SDK1: variants seen among roughly 807,000 people sequenced by gnomAD.
The protein encoded by SDK1 is protein sidekick-1.
SDK1 carries 157 observed loss-of-function variants against 245.5 expected under a neutral mutation model. The ratio of observed to expected loss-of-function variants is 0.64; its 90% confidence interval spans 0.56 to 0.73. The LOEUF is 0.73. Ranked by LOEUF, SDK1 falls within the 30% of genes least tolerant of loss-of-function variation. The probability of loss-of-function intolerance (pLI) is 0.00; values close to 1 mark genes in which losing one functional copy is unlikely to be tolerated. For missense variants in SDK1, 3,583 were observed against 3,002.3 expected, an observed-to-expected ratio of 1.19 and a Z score of -4.52; for synonymous variants, 1,647 against 1,278.5, an observed-to-expected ratio of 1.29 and a Z score of -6.15.
intron 5 of SDK1, among the ~76,000 whole-genome samples, chr7:3,898,068 A>G (rs151085004): frequency 6.6e-6 from 1 of 152,208 alleles, no homozygotes; most frequent in East Asian, 1.9e-4. Context: ...CTACGGTATT[A>G]GCATGAAGCA....
At chr7:4,245,341 C>T (rs764115236) in intron 43 of SDK1, among the ~76,000 whole-genome samples, 2 of 152,164 alleles carry the variant, frequency 1.3e-5, no homozygotes, top group African/African-American at 2.4e-5. Flanking sequence ...CTGCATCTGG[C>T]AAGCACCTAA....
chr7:4,010,279 T>A (rs559642817), intron 14 of SDK1, among the ~76,000 whole-genome samples: 25 of 152,350 alleles, frequency 1.6e-4, no homozygotes, highest in African/African-American at 5.5e-4. Flanking sequence ...GTTTAAACTC[T>A]GCAAAAAATC....
At chr7:4,090,548 G>A (rs746946601) in intron 22 of SDK1, among the ~76,000 whole-genome samples, 15 of 152,210 alleles carry the variant, frequency 9.9e-5, no homozygotes, top group African/African-American at 2.4e-4. Flanking sequence ...TGGGGGTGGC[G>A]GGGAGCCCAT....
At chr7:3,752,385 G>C (rs1051085433) in intron 4 of SDK1, among the ~76,000 whole-genome samples, 3 of 152,074 alleles carry the variant, frequency 2.0e-5, no homozygotes, top group South Asian at 2.1e-4. Context: ...TTCTGCAAGT[G>C]AGCTTAATAC....
chr7:4,007,726 C>T (rs747084330), intron 14 of SDK1, among the ~76,000 whole-genome samples: 17 of 152,256 alleles, frequency 1.1e-4, no homozygotes, highest in African/African-American at 3.4e-4. Flanking sequence ...GTCTCAGCCT[C>T]CTGAGTAGCT....
At chr7:3,949,427 C>T (rs1425276356) in intron 5 of SDK1, among the ~76,000 whole-genome samples, 2 of 152,202 alleles carry the variant, frequency 1.3e-5, no homozygotes, top group African/African-American at 2.4e-5. Context: ...GTCTCTTTCC[C>T]GTTGTTCTCT....
chr7:3,963,989 C>T (rs1374632741), intron 9 of SDK1, among the ~76,000 whole-genome samples: 3 of 152,296 alleles, frequency 2.0e-5, no homozygotes, highest in African/African-American at 2.4e-5. Context: ...CCCACGCCCA[C>T]GGCTACCCGG....
chr7:4,233,357 G>T lies in SDK1; in HGVS notation c.5930G>T (p.Arg1977Leu), dbSNP rs776142639. 2.5e-6 allele frequency: 4 copies of T among 1,613,734 alleles called. No individual in the cohort carries two copies. The highest frequency in any genetic ancestry group is 2.7e-5 in the African/African-American group (2 of 74,934). The change falls in exon 41 of 45, where the codon CGG becomes CTG. Residue 1977 changes from arginine to leucine, a missense_variant. Coordinates refer to ENST00000404826, the MANE Select transcript of SDK1 (RefSeq NM_152744.4). ...CGGCAAGGAGTGACTTACGAGTTCC[G>T]GGTGGTGGCTGTGAATGAGGCGGGC... Reference protein sequence around the residue: ...KLRQGVTYEFRVVAVNEAGYG... With the variant: ...KLRQGVTYEFLVVAVNEAGYG...
At chr7:3,956,155 G>A (rs1317968656) in intron 7 of SDK1, among the ~76,000 whole-genome samples, 1 of 152,208 alleles carries the variant, frequency 6.6e-6, no homozygotes, top group Non-Finnish European at 1.5e-5. Flanking sequence ...TGTTGGCAGA[G>A]TACCCTTTCT....
intron 4 of SDK1, among the ~76,000 whole-genome samples, chr7:3,756,426 C>T (rs1305812991): frequency 6.6e-6 from 1 of 152,014 alleles, no homozygotes; most frequent in East Asian, 1.9e-4. Flanking sequence ...AACCTGACTC[C>T]TTTCACATGG....
At chr7:3,882,843 T>G (rs746301588) in intron 5 of SDK1, among the ~76,000 whole-genome samples, 12 of 152,192 alleles carry the variant, frequency 7.9e-5, no homozygotes, top group Non-Finnish European at 1.6e-4. Context: ...ATTTAGACAT[T>G]CTCTGCTTCC....
At position 4,011,021 on chromosome 7, in the gene SDK1, C is replaced by T. The variant is rs763373679; in HGVS notation, c.2187C>T (p.Thr729=). The change falls in exon 15 of 45, where the codon ACC becomes ACT. Residue 729 remains threonine, a synonymous_variant. Transcript: ENST00000404826. The part of the protein sequence containing the change: ...SNVGPEMTGV[T]VSGLTPARTY... ...TTGGCCCTGAGATGACAGGCGTCAC[C>T]GTGAGTGGCCTGACTCCGGCTCGTA... 8.1e-6 allele frequency: 13 copies of T among 1,614,084 alleles called. No homozygotes were observed. The highest frequency in any genetic ancestry group is 2.2e-5 in the East Asian group (1 of 44,894).
intron 5 of SDK1, among the ~76,000 whole-genome samples, chr7:3,944,353 C>G (rs452635): frequency 6.6e-6 from 1 of 152,216 alleles, no homozygotes; most frequent in African/African-American, 2.4e-5. Flanking sequence ...GGCAGCTTGG[C>G]AAAATAGAAT....
intron 17 of SDK1, among the ~76,000 whole-genome samples, chr7:4,029,182 C>T (rs986064974): frequency 6.8e-6 from 1 of 146,380 alleles, no homozygotes; most frequent in Non-Finnish European, 1.5e-5. Flanking sequence ...CCATATTCAT[C>T]CTGTAGCTTG....
Position 4,103,295 on chromosome 7 carries a change from C to T in SDK1, c.3325-7368C>T, listed in dbSNP as rs1253307111. ...GATTACAGGCGTGAGCCACCGCGCC[C>T]GGCCCCCCACAGAGCTTTGATTTGT... On this transcript the variant is annotated intron_variant, in intron 22 of 44. Coordinates refer to ENST00000404826, the MANE Select transcript of SDK1 (RefSeq NM_152744.4). Among the ~76,000 whole-genome samples, 11 of 150,330 alleles carry T rather than the reference C, an allele frequency of 7.3e-5. No individual in the cohort carries two copies. In the East Asian group the frequency reaches 1.8e-3, roughly 25 times the overall value.
At chr7:3,376,913 T>C (rs1781370427) in intron 1 of SDK1, among the ~76,000 whole-genome samples, 1 of 152,198 alleles carries the variant, frequency 6.6e-6, no homozygotes, top group African/African-American at 2.4e-5. Flanking sequence ...TGGACTTTCC[T>C]GGATCTGTCT....
chr7:4,259,466 C>G lies in SDK1; in HGVS notation c.6382-5658C>G, dbSNP rs577291760. Among the ~76,000 whole-genome samples, 4 of 152,276 alleles carry G rather than the reference C, an allele frequency of 2.6e-5. No individual in the cohort carries two copies. The South Asian group carries it at 8.3e-4, about 32-fold the overall frequency. ...TAAATAAATAAATCTTAAACAGCCA[C>G]AAATACAGATCCCTGATCTCTTAGC... On this transcript the variant is annotated intron_variant, in intron 44 of 44. Transcript: ENST00000404826.
intron 4 of SDK1, chr7:3,643,844 G>A (rs1782734750): frequency 6.7e-6 from 1 of 149,774 alleles, no homozygotes; most frequent in African/African-American, 2.5e-5. Flanking sequence ...ACCAGGATCT[G>A]GCTGGAACCT....
chr7:4,222,888 G>C (rs1368448539), intron 40 of SDK1, among the ~76,000 whole-genome samples: 1 of 152,098 alleles, frequency 6.6e-6, no homozygotes, highest in Non-Finnish European at 1.5e-5. Flanking sequence ...CACTTTCAGA[G>C]ACTGACAGGA....
Sources: gnomAD v4.1 joint callset for allele counts (sites outside exome capture counted in the v4.1 genomes callset) on GRCh38, gnomAD v4.1.1 for gene constraint, MANE v1.5 for transcripts, NCBI Gene and HGNC (gene_info 2026-07-23, HGNC 2026-07-21) for gene names.